The following CSMD1 variants were observed in gnomAD, a reference collection of about 807,000 sequenced individuals.
CSMD1 encodes the protein CUB and Sushi multiple domains 1.
In CSMD1, 213 loss-of-function variants were observed where a neutral mutation model predicts 417.5. The ratio of observed to expected loss-of-function variants is 0.51; its 90% confidence interval spans 0.46 to 0.57. The LOEUF (loss-of-function observed/expected upper bound fraction) is 0.57, where lower values mean the gene tolerates loss of function less well. CSMD1 is among the 20% of genes least tolerant of loss of function. The pLI is 0.00. For synonymous variants in CSMD1, 2,862 were observed against 1,736.8 expected (o/e 1.65, Z -16.11); for missense variants, 6,923 against 4,529.7 (o/e 1.53, Z -15.17).
chr8:3,236,680 T>G (rs987106848), intron 26 of CSMD1, among the ~76,000 whole-genome samples: 4 of 152,202 alleles, frequency 2.6e-5, no homozygotes, highest in African/African-American at 9.6e-5. Context: ...GTCATTCCTC[T>G]TCCAGGGCTG....
intron 43 of CSMD1, among the ~76,000 whole-genome samples, chr8:3,109,207 G>C (rs771905126): frequency 5.3e-5 from 8 of 152,248 alleles, no homozygotes; most frequent in Non-Finnish European, 8.8e-5. Context: ...GCTGGTTCCA[G>C]TGAGCCAAGA....
intron 5 of CSMD1, among the ~76,000 whole-genome samples, chr8:3,869,729 C>G (rs1281616122): frequency 6.6e-6 from 1 of 152,016 alleles, no homozygotes; most frequent in African/African-American, 2.4e-5. Context: ...CTGGCAGGAC[C>G]CACCCCAGCA....
chr8:3,096,851 T>A lies in CSMD1; in HGVS notation c.7136A>T (p.Asp2379Val). The change falls in exon 47 of 70, where the codon GAT becomes GTT. Residue 2379 changes from aspartate to valine, a missense_variant and splice_region_variant. Physicochemically the swap from Asp to Val is radical, Grantham distance 152 (BLOSUM62 -3). Transcript: ENST00000635120. ...EKQFDALEVFDGSSGQSPLLV... is the reference protein window; with the variant it reads ...EKQFDALEVFVGSSGQSPLLV... ...CTACAAAGATTAAAGAAACTTACCA[T>A]CAAACACTTCCAGTGCATCAAACTG... 2 of 1,545,924 alleles carry A rather than the reference T, an allele frequency of 1.3e-6. No homozygotes were observed. Among genetic ancestry groups the A allele is most frequent in the Non-Finnish European group, 8.7e-7 (1 of 1,143,294 alleles).
intron 41 of CSMD1, among the ~76,000 whole-genome samples, chr8:3,132,990 G>T (rs968275090): frequency 5.9e-5 from 9 of 152,198 alleles, no homozygotes; most frequent in Admixed American, 5.9e-4. Context: ...TCACCTGGGA[G>T]GAACCTCTCC....
At chr8:3,342,353 T>A (rs77543351) in intron 23 of CSMD1, among the ~76,000 whole-genome samples, 6,161 of 152,324 alleles carry the variant, frequency 0.04, 384 homozygotes, top group East Asian at 0.25. Flanking sequence ...AAGGTATCCA[T>A]CACTAACATA....
intron 3 of CSMD1, among the ~76,000 whole-genome samples, chr8:4,149,996 G>T (rs76775671): frequency 2.5e-4 from 38 of 152,344 alleles, no homozygotes; most frequent in African/African-American, 9.1e-4. Flanking sequence ...AAGTCAGAGA[G>T]ACTGATGGAT....
chr8:4,267,387 T>C (rs1295737446), intron 3 of CSMD1, among the ~76,000 whole-genome samples: 1 of 135,218 alleles, frequency 7.4e-6, no homozygotes, highest in Admixed American at 7.6e-5. Flanking sequence ...GGATTAACTA[T>C]GAACTCTGAA....
chr8:4,050,574 T>A (rs180769590), intron 3 of CSMD1, among the ~76,000 whole-genome samples: 1 of 152,238 alleles, frequency 6.6e-6, no homozygotes. Flanking sequence ...CTAATCATAC[T>A]ACTTTATTTC....
At chr8:4,178,659 T>C (rs1284442747) in intron 3 of CSMD1, among the ~76,000 whole-genome samples, 2 of 152,282 alleles carry the variant, frequency 1.3e-5, no homozygotes, top group Middle Eastern at 3.4e-3. Flanking sequence ...TTGCAGATAA[T>C]ATGATTGTTT....
chr8:3,932,434 T>C (rs1810215205), intron 5 of CSMD1, among the ~76,000 whole-genome samples: 1 of 150,318 alleles, frequency 6.7e-6, no homozygotes, highest in Non-Finnish European at 1.5e-5. Flanking sequence ...GGTATTTCAC[T>C]CTCATAACCC....
At position 4,639,261 on chromosome 8, in the gene CSMD1, T is replaced by TC. The variant is rs1428939671; in HGVS notation, c.86-1704_86-1703insG. ...TCCCTGTGGTTGTCAATTTTTTTTTTTTTTTTTTGGTCTGTTCAGTTACCT... is the reference window on the plus strand; with the variant it reads ...TCCCTGTGGTTGTCAATTTTTTTTTTCTTTTTTTTGGTCTGTTCAGTTACCT... On this transcript the variant is annotated intron_variant, in intron 1 of 69. Coordinates refer to ENST00000635120, the MANE Select transcript of CSMD1 (RefSeq NM_033225.6). Among the ~76,000 whole-genome samples the TC allele has an allele frequency of 4.0e-5, 6 of 151,230 alleles. No homozygotes were observed. The East Asian group carries it at 1.2e-3, about 29-fold the overall frequency.
intron 2 of CSMD1, among the ~76,000 whole-genome samples, chr8:4,436,049 C>G (rs1472262767): frequency 3.3e-5 from 5 of 152,286 alleles, no homozygotes; most frequent in East Asian, 1.9e-4. Context: ...CAATCAAGAT[C>G]ATTCACAGAT....
intron 11 of CSMD1, among the ~76,000 whole-genome samples, chr8:3,470,537 T>A (rs1353393346): frequency 6.6e-6 from 1 of 152,198 alleles, no homozygotes; most frequent in Admixed American, 6.5e-5. Flanking sequence ...GTATTTTGTA[T>A]GTACATTTGT....
intron 19 of CSMD1, among the ~76,000 whole-genome samples, chr8:3,368,318 C>T (rs957959403): frequency 2.6e-5 from 4 of 152,036 alleles, no homozygotes; most frequent in South Asian, 4.1e-4. Flanking sequence ...CTTATGTGAT[C>T]GAAATTCCAA....
At chr8:3,152,435 T>G (rs1002427865) in intron 39 of CSMD1, among the ~76,000 whole-genome samples, 1 of 152,224 alleles carries the variant, frequency 6.6e-6, no homozygotes, top group Non-Finnish European at 1.5e-5. Flanking sequence ...AATGCTCTCA[T>G]TATGCAAAAT....
intron 3 of CSMD1, among the ~76,000 whole-genome samples, chr8:4,264,881 T>C (rs1804142948): frequency 6.6e-6 from 1 of 152,220 alleles, no homozygotes; most frequent in African/African-American, 2.4e-5. Context: ...GGTAGGACGA[T>C]GAACAGAGAA....
intron 7 of CSMD1, among the ~76,000 whole-genome samples, chr8:3,644,649 G>A (rs1174685168): frequency 6.6e-6 from 1 of 152,148 alleles, no homozygotes; most frequent in African/African-American, 2.4e-5. Flanking sequence ...CTTCAGTAAA[G>A]AGGGCAGCAG....
intron 3 of CSMD1, among the ~76,000 whole-genome samples, chr8:4,195,998 T>C (rs964524377): frequency 6.6e-6 from 1 of 151,692 alleles, no homozygotes; most frequent in Non-Finnish European, 1.5e-5. Flanking sequence ...GATCATGAGG[T>C]CATGCGATCG....
Position 3,287,817 on chromosome 8 carries a change from T to G in CSMD1, c.3951-3471A>C, listed in dbSNP as rs147548121. 6.6e-3 allele frequency among the ~76,000 whole-genome samples: 993 copies of G among 151,388 alleles called. 11 individuals are homozygous for G. Among genetic ancestry groups the G allele is most frequent in the African/African-American group, 0.023 (923 of 40,816 alleles). Reference sequence around the variant, plus strand: ...ATTTCCTCCAGCTGCCTGATTGCCCTGGCCAGAACTTCCAACACTATGTTG... The same window carrying G: ...ATTTCCTCCAGCTGCCTGATTGCCCGGGCCAGAACTTCCAACACTATGTTG... On this transcript the variant is annotated intron_variant, in intron 25 of 69. Transcript: ENST00000635120.
Sources: allele counts gnomAD v4.1 joint callset (sites outside exome capture counted in the v4.1 genomes callset), GRCh38; gene constraint gnomAD v4.1.1; transcripts MANE v1.5; gene names NCBI Gene and HGNC (gene_info 2026-07-23, HGNC 2026-07-21).